The following CTNNA2 variants were observed in gnomAD, a reference collection of about 807,000 sequenced individuals.
CTNNA2 encodes catenin alpha-2.
In CTNNA2, 42 loss-of-function variants were observed where a neutral mutation model predicts 101.0. The observed-to-expected ratio is 0.42, with a 90% confidence interval of 0.32 to 0.54. CTNNA2 has a LOEUF of 0.54. CTNNA2 is among the 20% of genes least tolerant of loss of function. CTNNA2 has a pLI of 0.14. For synonymous variants in CTNNA2, 450 were observed against 456.4 expected (o/e 0.99, Z 0.18); for missense variants, 871 against 1,223.1 (o/e 0.71, Z 4.29).
chr2:79,305,600 T>A (rs142214435), intron 2 of CTNNA2, among the ~76,000 whole-genome samples: 3 of 152,084 alleles, frequency 2.0e-5, no homozygotes, highest in Admixed American at 2.0e-4. Flanking sequence ...TTATTTTATA[T>A]AAAGAATTCT....
rs541067283 is a variant in CTNNA2, at chr2:80,331,047, C to T, written c.1057-62164C>T. ...TTTTTTTTTTTTTTTTTTCCTTCCCCGGCTGCATCCACTAAAGGCTTTCAG... is the reference window on the plus strand; with the variant it reads ...TTTTTTTTTTTTTTTTTTCCTTCCCTGGCTGCATCCACTAAAGGCTTTCAG... On this transcript the variant is annotated intron_variant, in intron 7 of 18. Coordinates refer to ENST00000402739, the MANE Select transcript of CTNNA2 (RefSeq NM_001282597.3). Among the ~76,000 whole-genome samples, 635 of 148,898 alleles carry T rather than the reference C, an allele frequency of 4.3e-3. 5 individuals carry two copies. Among genetic ancestry groups the T allele is most frequent in the Non-Finnish European group, 6.1e-3 (415 of 67,512 alleles).
intron 2 of CTNNA2, among the ~76,000 whole-genome samples, chr2:79,267,349 G>A (rs947850961): frequency 7.9e-5 from 12 of 151,742 alleles, no homozygotes; most frequent in Admixed American, 7.2e-4. Context: ...ATGAGGACAT[G>A]CTATCTGGTT....
At chr2:80,550,770 C>A (rs1692491282) in intron 11 of CTNNA2, among the ~76,000 whole-genome samples, 2 of 151,826 alleles carry the variant, frequency 1.3e-5, no homozygotes, top group African/African-American at 4.8e-5. Context: ...TAAGCACTTT[C>A]TTCCTCCACT....
chr2:80,628,996 G>C (rs993540761), intron 18 of CTNNA2, among the ~76,000 whole-genome samples: 1 of 152,154 alleles, frequency 6.6e-6, no homozygotes, highest in African/African-American at 2.4e-5. Context: ...TTTCTCAGCT[G>C]TAAAGTGAAA....
chr2:80,506,529 A>G (rs1175646877), intron 9 of CTNNA2, among the ~76,000 whole-genome samples: 1 of 152,196 alleles, frequency 6.6e-6, no homozygotes, highest in Admixed American at 6.5e-5. Flanking sequence ...AGGAATTTAA[A>G]TTGGGCAGTT....
At chr2:79,654,591 A>G (rs1379916843) in intron 2 of CTNNA2, among the ~76,000 whole-genome samples, 3 of 152,196 alleles carry the variant, frequency 2.0e-5, no homozygotes, top group Non-Finnish European at 4.4e-5. Context: ...GCTCACTCAT[A>G]TATTCCAGGA....
chr2:79,540,966 G>A (rs1394129418), intron 1 of CTNNA2, among the ~76,000 whole-genome samples: 1 of 152,076 alleles, frequency 6.6e-6, no homozygotes, highest in Non-Finnish European at 1.5e-5. Context: ...GTGATTAAAT[G>A]TCAAATTTTA....
intron 7 of CTNNA2, among the ~76,000 whole-genome samples, chr2:80,098,520 C>T (rs925812243): frequency 2.0e-5 from 3 of 152,212 alleles, no homozygotes; most frequent in Non-Finnish European, 4.4e-5. Context: ...AGAACCACTA[C>T]TCTCTTCAAA....
intron 1 of CTNNA2, among the ~76,000 whole-genome samples, chr2:79,580,865 G>GA (rs1485537303): frequency 1.1e-4 from 17 of 151,804 alleles, no homozygotes; most frequent in Non-Finnish European, 2.2e-4. Flanking sequence ...ATATGCATGA[G>GA]AAAAAAAATC....
At chr2:80,306,450 T>TTCTTTC (rs1553488063) in intron 7 of CTNNA2, among the ~76,000 whole-genome samples, 123 of 124,984 alleles carry the variant, frequency 9.8e-4, no homozygotes, top group Admixed American at 7.5e-3. Flanking sequence ...CTTTCTTTCT[T>TTCTTTC]TCTCTCTCTC....
At chr2:79,396,688 T>C (rs1251257941) in intron 4 of CTNNA2, among the ~76,000 whole-genome samples, 1 of 152,194 alleles carries the variant, frequency 6.6e-6, no homozygotes, top group Admixed American at 6.5e-5. Flanking sequence ...GCTTTCCTGA[T>C]GCTATGATTT....
chr2:80,157,791 G>A (rs963295994), intron 7 of CTNNA2, among the ~76,000 whole-genome samples: 2 of 151,946 alleles, frequency 1.3e-5, no homozygotes, highest in African/African-American at 2.4e-5. Flanking sequence ...CACAGGTGCC[G>A]ATTCCTGCAG....
chr2:80,319,756 C>T (rs549372281), intron 7 of CTNNA2, among the ~76,000 whole-genome samples: 53 of 152,124 alleles, frequency 3.5e-4, no homozygotes, highest in Non-Finnish European at 6.9e-4. Context: ...AACTAGATGG[C>T]ATTTACCACC....
At chr2:80,057,592 G>T (rs1002623468) in intron 7 of CTNNA2, among the ~76,000 whole-genome samples, 4 of 152,080 alleles carry the variant, frequency 2.6e-5, no homozygotes, top group African/African-American at 9.7e-5. Context: ...CCACTCACAG[G>T]CAGTCCTCGG....
chr2:80,503,490 G>A (rs538123648), intron 9 of CTNNA2, among the ~76,000 whole-genome samples: 11 of 152,236 alleles, frequency 7.2e-5, no homozygotes, highest in African/African-American at 1.7e-4. Flanking sequence ...GACCTAATTC[G>A]TATGAAGTGG....
intron 2 of CTNNA2, among the ~76,000 whole-genome samples, chr2:79,268,151 AC>A (rs1675011369): frequency 6.6e-6 from 1 of 152,064 alleles, no homozygotes; most frequent in African/African-American, 2.4e-5. Flanking sequence ...AAACAAGTTG[AC>A]CTAGTATCAA....
At chr2:79,500,578 C>T (rs1449174343) in intron 4 of CTNNA2, 1 of 152,172 alleles carries the variant, frequency 6.6e-6, no homozygotes, top group African/African-American at 2.4e-5. Flanking sequence ...TCTCTCACCC[C>T]ACCCTTCTCT....
At chr2:79,990,084 T>A (rs1263461045) in intron 7 of CTNNA2, among the ~76,000 whole-genome samples, 1 of 152,168 alleles carries the variant, frequency 6.6e-6, no homozygotes, top group South Asian at 2.1e-4. Flanking sequence ...GATGTGTCCC[T>A]GAGAGAGGCT....
intron 7 of CTNNA2, among the ~76,000 whole-genome samples, chr2:79,935,644 T>A (rs548752109): frequency 2.1e-3 from 317 of 152,294 alleles, no homozygotes; most frequent in African/African-American, 6.9e-3. Context: ...TGGTGTCACA[T>A]TGTAGTTATA....
Sources: gnomAD v4.1 joint callset for allele counts (sites outside exome capture counted in the v4.1 genomes callset) on GRCh38, gnomAD v4.1.1 for gene constraint, MANE v1.5 for transcripts, NCBI Gene and HGNC (gene_info 2026-07-23, HGNC 2026-07-21) for gene names.